The following INTS4 variants were observed in gnomAD, a reference collection of about 807,000 sequenced individuals.
INTS4 encodes MSTP093.
INTS4 carries 70 observed loss-of-function variants against 119.5 expected under a neutral mutation model. That is an observed-to-expected ratio of 0.59 (90% CI 0.48 to 0.71). The LOEUF (loss-of-function observed/expected upper bound fraction) is 0.71, where lower values mean the gene tolerates loss of function less well. Ranked by LOEUF, INTS4 falls within the 30% of genes least tolerant of loss-of-function variation. INTS4 has a pLI of 0.00. For missense variants in INTS4, 867 were observed against 1,173.2 expected, an observed-to-expected ratio of 0.74 and a Z score of 3.81; for synonymous variants, 316 against 419.6, an observed-to-expected ratio of 0.75 and a Z score of 3.02.
chr11:77,878,106 T>C (rs940477460), downstream of INTS4, among the ~76,000 whole-genome samples: 13 of 152,142 alleles, frequency 8.5e-5, no homozygotes, highest in Admixed American at 2.6e-4. Context: ...CTCACACTTG[T>C]AATCCCAGCA....
chr11:77,936,497 C>A (rs941904680), intron 10 of INTS4, among the ~76,000 whole-genome samples: 5 of 152,158 alleles, frequency 3.3e-5, no homozygotes, highest in Non-Finnish European at 1.5e-5. Flanking sequence ...ATCCTCCTGC[C>A]TCAGCCTCCC....
At chr11:77,973,516 T>C (rs1242639094) in intron 4 of INTS4, among the ~76,000 whole-genome samples, 1 of 152,190 alleles carries the variant, frequency 6.6e-6, no homozygotes, top group African/African-American at 2.4e-5. Context: ...AAGCATTCAA[T>C]CTGTCAAAAT....
intron 4 of INTS4, among the ~76,000 whole-genome samples, chr11:77,962,986 G>A (rs1306624006): frequency 2.0e-5 from 3 of 152,142 alleles, no homozygotes; most frequent in Non-Finnish European, 2.9e-5. Context: ...CTGCACTCCA[G>A]CCTGAGCAAC....
chr11:77,943,618 T>C (rs1244443898), intron 8 of INTS4, among the ~76,000 whole-genome samples: 1 of 152,252 alleles, frequency 6.6e-6, no homozygotes, highest in Non-Finnish European at 1.5e-5. Context: ...TCTGGTGTAC[T>C]TTAACCAAGA....
At chr11:77,876,537 G>C (rs964978552), downstream of INTS4, among the ~76,000 whole-genome samples, 1 of 151,884 alleles carries the variant, frequency 6.6e-6, no homozygotes, top group African/African-American at 2.4e-5. Context: ...TACGATACTT[G>C]AATTGCTTAG....
At chr11:77,946,336 CTG>C (rs1454569295) in intron 8 of INTS4, among the ~76,000 whole-genome samples, 1 of 152,156 alleles carries the variant, frequency 6.6e-6, no homozygotes, top group Non-Finnish European at 1.5e-5. Context: ...CAGAAAAAGA[CTG>C]TTACTATATA....
intron 2 of INTS4, 125 bp from the exon 3 acceptor site, chr11:77,981,701 AAAAATTAATTT>A: frequency 2.3e-6 from 1 of 432,906 alleles, no homozygotes; most frequent in Admixed American, 3.5e-5. Flanking sequence ...ATCATTTCTG[AAAAATTAATTT>A]TATATACTTC....
chr11:77,901,597 T>TA, intron 17 of INTS4, 46 bp from the exon 18 acceptor site: 1 of 1,433,128 alleles, frequency 7.0e-7, no homozygotes, highest in Non-Finnish European at 9.8e-7. Flanking sequence ...ATCATAGTCT[T>TA]ACTTGAGAGC....
intron 8 of INTS4, among the ~76,000 whole-genome samples, chr11:77,953,587 A>AT (rs71046929): frequency 0.58 from 85,386 of 147,676 alleles, 24,543 homozygotes; most frequent in African/African-American, 0.61. Context: ...AAGTTAAACA[A>AT]TTTTTTTTTT....
At chr11:77,952,557 C>T (rs1166485829) in intron 8 of INTS4, among the ~76,000 whole-genome samples, 1 of 151,898 alleles carries the variant, frequency 6.6e-6, no homozygotes, top group Non-Finnish European at 1.5e-5. Flanking sequence ...ATTTAGTAGG[C>T]CAGGAACTCT....
chr11:77,930,231 T>C (rs1366058026), intron 10 of INTS4, among the ~76,000 whole-genome samples: 1 of 152,216 alleles, frequency 6.6e-6, no homozygotes, highest in African/African-American at 2.4e-5. Flanking sequence ...CCTAAAGTTG[T>C]GGTTAAAACT....
rs112286182 is a variant in INTS4 at position 77,918,815 on chromosome 11, C to T, written c.1922+6G>A. 131,543 of 1,612,294 alleles carry T rather than the reference C, an allele frequency of 0.082. 6,379 individuals carry two copies. The highest frequency in any genetic ancestry group is 0.19 in the Admixed American group (11,146 of 59,966). On this transcript the variant is annotated splice_donor_region_variant and intron_variant, in intron 15 of 22. Transcript: ENST00000534064. ...ACTCTGTCAGATGAAGGGATGATTA[C>T]CCTACCTGATGGTGAATTCCAGCAG...
At chr11:77,928,971 T>G (rs1953578275) in intron 10 of INTS4, among the ~76,000 whole-genome samples, 2 of 150,534 alleles carry the variant, frequency 1.3e-5, no homozygotes, top group Non-Finnish European at 3.0e-5. Context: ...CAGTGAGCCA[T>G]GATCGTGCCA....
intron 4 of INTS4, among the ~76,000 whole-genome samples, chr11:77,964,953 T>C (rs1218308314): frequency 6.6e-6 from 1 of 152,246 alleles, no homozygotes; most frequent in Non-Finnish European, 1.5e-5. Context: ...ATTTTTGGGA[T>C]ACAATGTGAT....
chr11:77,899,284 AG>A (rs112463272), intron 18 of INTS4, among the ~76,000 whole-genome samples: 66,887 of 151,824 alleles, frequency 0.44, 14,936 homozygotes, highest in Admixed American at 0.48. Context: ...GTTTAGAATT[AG>A]GGTGCATAAC....
intron 2 of INTS4, among the ~76,000 whole-genome samples, chr11:77,982,280 T>C (rs528867301): frequency 6.6e-6 from 1 of 152,034 alleles, no homozygotes; most frequent in African/African-American, 2.4e-5. Context: ...GGACTACAGA[T>C]ACATGCTACC....
rs765218251 is a variant in INTS4, at chr11:77,878,926, C to T, written c.*23G>A. The T allele has an allele frequency of 4.4e-6, 7 of 1,600,996 alleles. No homozygotes were observed. The highest frequency in any genetic ancestry group is 1.1e-5 in the South Asian group (1 of 90,804). On this transcript the variant is annotated 3_prime_UTR_variant, in exon 23 of 23. Coordinates refer to ENST00000534064, the MANE Select transcript of INTS4 (RefSeq NM_033547.4). Reference sequence around the variant, plus strand: ...CACCTAAGAAGGGCCCTCTAGGCCACGGTTGGGAAGACTGTTTTTGCCTTA... The same window carrying T: ...CACCTAAGAAGGGCCCTCTAGGCCATGGTTGGGAAGACTGTTTTTGCCTTA...
intron 16 of INTS4, among the ~76,000 whole-genome samples, chr11:77,904,447 T>G (rs1237928636): frequency 3.3e-5 from 5 of 152,248 alleles, no homozygotes; most frequent in Non-Finnish European, 5.9e-5. Context: ...TATTAACATT[T>G]CACCATGCAG....
At chr11:77,943,359 G>C (rs902540005) in intron 8 of INTS4, among the ~76,000 whole-genome samples, 1 of 152,166 alleles carries the variant, frequency 6.6e-6, no homozygotes, top group Non-Finnish European at 1.5e-5. Flanking sequence ...GAAAAATGGT[G>C]AGATGTCTAT....
Sources: gnomAD v4.1 joint callset for allele counts (sites outside exome capture counted in the v4.1 genomes callset) on GRCh38, gnomAD v4.1.1 for gene constraint, MANE v1.5 for transcripts, NCBI Gene and HGNC (gene_info 2026-07-23, HGNC 2026-07-21) for gene names.